Variants in TPX2 observed in about 807,000 individuals in gnomAD.
TPX2 encodes targeting protein for Xklp2.
Under a neutral mutation model 93.6 loss-of-function variants are expected in TPX2, and 21 were observed. The ratio of observed to expected loss-of-function variants is 0.22; its 90% CI spans 0.16 to 0.32. The LOEUF is 0.32. Ranked by LOEUF, TPX2 falls within the 10% of genes least tolerant of loss-of-function variation. TPX2 has a pLI of 1.00. For synonymous variants in TPX2, 281 were observed against 298.3 expected, an observed-to-expected ratio of 0.94 and a Z score of 0.60; for missense variants, 776 against 871.1, an observed-to-expected ratio of 0.89 and a Z score of 1.37.
intron 7 of TPX2, among the ~76,000 whole-genome samples, chr20:31,774,133 T>C (rs2061981110): frequency 6.6e-6 from 1 of 152,172 alleles, no homozygotes; most frequent in Admixed American, 6.5e-5. Context: ...CCTCCCAAAG[T>C]GCTGGGATTA....
chr20:31,762,110 C>T (rs1600366580), intron 4 of TPX2, among the ~76,000 whole-genome samples: 6 of 152,114 alleles, frequency 3.9e-5, no homozygotes, highest in Admixed American at 3.3e-4. Flanking sequence ...TATTTGAGTT[C>T]CTTGTGTATT....
chr20:31,771,805 G>A, intron 7 of TPX2, 123 bp downstream of exon 7: 1 of 1,132,734 alleles, frequency 8.8e-7, no homozygotes, highest in Non-Finnish European at 1.2e-6. Context: ...ATGGTGAGGT[G>A]AATTGTTACA....
chr20:31,768,782 C>T (rs920499849), intron 5 of TPX2, among the ~76,000 whole-genome samples: 21 of 152,098 alleles, frequency 1.4e-4, no homozygotes, highest in African/African-American at 3.9e-4. Flanking sequence ...AACAGGCAAA[C>T]GACTTAAACT....
In TPX2 at chr20:31,770,413, A is replaced by C. The variant is rs1223343953; in HGVS notation, c.427A>C (p.Lys143Gln). 1 of 1,606,950 alleles carries C rather than the reference A, an allele frequency of 6.2e-7. No homozygotes were observed. The highest frequency in any genetic ancestry group is 1.7e-5 in the Admixed American group (1 of 59,272). The change falls in exon 6 of 18, where the codon AAG becomes CAG. Residue 143 changes from lysine (K) to glutamine (Q), a missense_variant. Physicochemically the swap from Lys to Gln is moderately conservative, Grantham distance 53. Around this residue, in one of 3 missense-constraint regions of TPX2, gnomAD observed 279 missense variants for 261.6 expected, o/e 1.07. Transcript: ENST00000300403. The stretch of plus-strand genomic sequence containing the variant: ...AAAGCATCATGTAAAAATGAAAGCC[A>C]AGAGATGTGCCACTCCTGTAATCAT... ...KEKHHVKMKA[K>Q]RCATPVIIDE... is the part of the protein sequence containing the mutation.
chr20:31,754,954 T>G (rs1365230857), intron 2 of TPX2, among the ~76,000 whole-genome samples: 1 of 152,102 alleles, frequency 6.6e-6, no homozygotes, highest in African/African-American at 2.4e-5. Flanking sequence ...GTTTATTTAT[T>G]TATTTATTTT....
At chr20:31,769,947 A>G (rs2061954362) in intron 5 of TPX2, among the ~76,000 whole-genome samples, 1 of 152,008 alleles carries the variant, frequency 6.6e-6, no homozygotes, top group Non-Finnish European at 1.5e-5. Flanking sequence ...ACAGATGCGC[A>G]CCAGCACGTA....
chr20:31,769,486 T>G (rs1435554853), intron 5 of TPX2, among the ~76,000 whole-genome samples: 1 of 150,312 alleles, frequency 6.7e-6, no homozygotes, highest in African/African-American at 2.4e-5. Context: ...GCCTGGCTAA[T>G]TTTTTTTTTC....
chr20:31,766,459 G>GTC, intron 4 of TPX2, 97 bp from the exon 5 acceptor site: 1 of 883,038 alleles, frequency 1.1e-6, no homozygotes, highest in Non-Finnish European at 1.7e-6. Context: ...GACAGGGTGT[G>GTC]TGTGTGTGTG....
intron 2 of TPX2, among the ~76,000 whole-genome samples, chr20:31,743,598 A>G (rs2061765872): frequency 6.6e-6 from 1 of 152,170 alleles, no homozygotes. Context: ...TGGGGGGCCA[A>G]GGTGAAGGGT....
intron 16 of TPX2, among the ~76,000 whole-genome samples, chr20:31,797,943 TCCCAGCACTTTGGGAGGC>T (rs1439838207): frequency 6.6e-6 from 1 of 152,142 alleles, no homozygotes; most frequent in Admixed American, 6.5e-5. Flanking sequence ...ATGCCTGTAG[TCCCAGCACTTTGGGAGGC>T]CCGGACAGGA....
chr20:31,784,351 C>T (rs2062052397), intron 12 of TPX2, among the ~76,000 whole-genome samples: 2 of 152,130 alleles, frequency 1.3e-5, no homozygotes, highest in South Asian at 2.1e-4. Context: ...TATATTAGCC[C>T]ATTAGTTTTG....
chr20:31,780,979 G>A (rs1435554095), intron 10 of TPX2: 1 of 399,936 alleles, frequency 2.5e-6, no homozygotes, highest in Non-Finnish European at 4.9e-6. Flanking sequence ...GAGTGCAGTG[G>A]CGTGATCATG....
intron 7 of TPX2, among the ~76,000 whole-genome samples, chr20:31,773,711 T>C (rs529358859): frequency 3.3e-5 from 5 of 152,330 alleles, no homozygotes; most frequent in Admixed American, 6.5e-5. Flanking sequence ...ATTATTATTT[T>C]AAAAATTTAA....
intron 4 of TPX2, 24 bp downstream of exon 4, chr20:31,760,203 G>A (rs780172549): frequency 2.5e-6 from 4 of 1,612,160 alleles, no homozygotes; most frequent in Non-Finnish European, 1.7e-6. Context: ...TTAGAAAAAA[G>A]CTCCTTGATA....
At chr20:31,750,458 A>G (rs1269822301) in intron 2 of TPX2, among the ~76,000 whole-genome samples, 2 of 74,848 alleles carry the variant, frequency 2.7e-5, no homozygotes, top group East Asian at 4.0e-4. Context: ...CCGGCTATTT[A>G]TTTATTTATT....
rs532669274 is a variant in TPX2, at chr20:31,754,156, G to A, written c.-70-3251G>A. Among the ~76,000 whole-genome samples the A allele has an allele frequency of 4.6e-5, 7 of 152,196 alleles. No homozygotes were observed. The South Asian group carries it at 1.5e-3, about 32-fold the overall frequency. On this transcript the variant is annotated intron_variant, in intron 2 of 17. Coordinates refer to ENST00000300403, the MANE Select transcript of TPX2 (RefSeq NM_012112.5). Reference sequence around the variant, plus strand: ...GCTCTGTCTCCCAGGCTGGAGTGCAGTGGTGCGGTCTTGGCTCACTGCAGC... The same window carrying A: ...GCTCTGTCTCCCAGGCTGGAGTGCAATGGTGCGGTCTTGGCTCACTGCAGC...
intron 2 of TPX2, among the ~76,000 whole-genome samples, chr20:31,756,835 C>T (rs995179455): frequency 1.3e-5 from 2 of 151,972 alleles, no homozygotes; most frequent in South Asian, 2.1e-4. Context: ...CCATGTTGGT[C>T]GGGCTGATCT....
chr20:31,786,400 G>GTT (rs369303743), intron 12 of TPX2, among the ~76,000 whole-genome samples: 18 of 89,330 alleles, frequency 2.0e-4, no homozygotes, highest in African/African-American at 3.2e-4. Flanking sequence ...CTGAACTACT[G>GTT]TTTTTTTTTT....
intron 7 of TPX2, among the ~76,000 whole-genome samples, chr20:31,775,577 T>C (rs1273474000): frequency 6.6e-6 from 1 of 151,956 alleles, no homozygotes; most frequent in Admixed American, 6.6e-5. Flanking sequence ...GATTTTACCA[T>C]GTTGGCCAGG....
Sources: gnomAD v4.1 joint callset for allele counts (sites outside exome capture counted in the v4.1 genomes callset) on GRCh38, gnomAD v4.1.1 for gene constraint, gnomAD v4.1.1 regional missense constraint, MANE v1.5 for transcripts, NCBI Gene and HGNC (gene_info 2026-07-23, HGNC 2026-07-21) for gene names.